Variants in LRFN2 observed in about 807,000 individuals in gnomAD.
LRFN2 encodes the protein leucine-rich repeat and fibronectin type-III domain-containing protein 2.
Under a neutral mutation model 37.3 loss-of-function variants are expected in LRFN2, and 18 were observed. The ratio of observed to expected loss-of-function variants is 0.48; its 90% CI spans 0.33 to 0.72. LRFN2 has a LOEUF of 0.72. Ranked by LOEUF, LRFN2 falls within the 30% of genes least tolerant of loss-of-function variation. The probability of loss-of-function intolerance (pLI) is 0.02; values close to 1 mark genes in which losing one functional copy is unlikely to be tolerated. For missense variants in LRFN2, 1,006 were observed against 1,060.7 expected, an observed-to-expected ratio of 0.95 and a Z score of 0.72; for synonymous variants, 556 against 466.6, an observed-to-expected ratio of 1.19 and a Z score of -2.47.
At chr6:40,577,291 G>A (rs1318148279) in intron 1 of LRFN2, among the ~76,000 whole-genome samples, 5 of 151,980 alleles carry the variant, frequency 3.3e-5, no homozygotes, top group South Asian at 4.2e-4. Flanking sequence ...TAGTAGAGAC[G>A]GAGTTTCACC....
At chr6:40,558,592 G>C (rs572325106) in intron 1 of LRFN2, among the ~76,000 whole-genome samples, 1 of 152,170 alleles carries the variant, frequency 6.6e-6, no homozygotes, top group Admixed American at 6.5e-5. Context: ...AGGTGGAGAA[G>C]AGAGTTCCTG....
At chr6:40,473,791 G>A (rs1003906082) in intron 1 of LRFN2, among the ~76,000 whole-genome samples, 5 of 152,000 alleles carry the variant, frequency 3.3e-5, no homozygotes, top group Non-Finnish European at 5.9e-5. Context: ...GTATCCATGT[G>A]TTCTCATTGT....
intron 1 of LRFN2, among the ~76,000 whole-genome samples, chr6:40,558,761 C>A (rs960704546): frequency 6.6e-6 from 1 of 152,224 alleles, no homozygotes; most frequent in South Asian, 2.1e-4. Flanking sequence ...GTCATTTAAT[C>A]CCACAAAACC....
At chr6:40,578,875 A>G (rs572675222) in intron 1 of LRFN2, among the ~76,000 whole-genome samples, 1 of 152,334 alleles carries the variant, frequency 6.6e-6, no homozygotes, top group African/African-American at 2.4e-5. Flanking sequence ...ACAGAACACA[A>G]TGCAAATCCT....
chr6:40,582,287 T>A (rs1767418356), intron 1 of LRFN2, among the ~76,000 whole-genome samples: 1 of 151,974 alleles, frequency 6.6e-6, no homozygotes, highest in South Asian at 2.1e-4. Flanking sequence ...GCTTAGCTCC[T>A]GCTGGTGGGT....
chr6:40,580,134 A>G (rs2473590), intron 1 of LRFN2, among the ~76,000 whole-genome samples: 82,754 of 152,032 alleles, frequency 0.54, 23,344 homozygotes, highest in African/African-American at 0.68. Context: ...GGCAATGAGA[A>G]GGCTTATTTA....
intron 1 of LRFN2, among the ~76,000 whole-genome samples, chr6:40,462,015 A>G (rs2113850494): frequency 6.6e-6 from 1 of 152,312 alleles, no homozygotes; most frequent in Non-Finnish European, 1.5e-5. Flanking sequence ...CTGTTACAGT[A>G]TTGATTAAGT....
intron 1 of LRFN2, among the ~76,000 whole-genome samples, chr6:40,466,000 T>C (rs960726933): frequency 6.6e-6 from 1 of 152,200 alleles, no homozygotes; most frequent in African/African-American, 2.4e-5. Context: ...CCCTACAGTC[T>C]ACCAGGGGTT....
At chr6:40,534,444 A>G (rs911490109) in intron 1 of LRFN2, among the ~76,000 whole-genome samples, 2 of 151,672 alleles carry the variant, frequency 1.3e-5, no homozygotes. Flanking sequence ...TAGCAACTCT[A>G]TGGAGAGTTC....
At chr6:40,535,700 G>A (rs1766436268) in intron 1 of LRFN2, among the ~76,000 whole-genome samples, 1 of 152,170 alleles carries the variant, frequency 6.6e-6, no homozygotes, top group Non-Finnish European at 1.5e-5. Context: ...ACATTGGTGG[G>A]AGGTGCAGGT....
In LRFN2 at chr6:40,504,089, G is replaced by A. The variant is rs569123306; in HGVS notation, c.-18-70958C>T. Among the ~76,000 whole-genome samples the A allele has an allele frequency of 2.0e-5, 3 of 152,332 alleles. No homozygotes were observed. The East Asian group carries it at 5.8e-4, about 29-fold the overall frequency. Reference sequence around the variant, plus strand: ...TAGAATAAATGGGTTCAGGGCTGGGGTAAGGGCCTCCCTCAGAAAGACCAA... The same window carrying A: ...TAGAATAAATGGGTTCAGGGCTGGGATAAGGGCCTCCCTCAGAAAGACCAA... On this transcript the variant is annotated intron_variant, in intron 1 of 2. Transcript: ENST00000338305.
At position 40,503,239 on chromosome 6, in the gene LRFN2, T is replaced by A. The variant is rs559916515; in HGVS notation, c.-18-70108A>T. Among the ~76,000 whole-genome samples the A allele has an allele frequency of 4.6e-5, 7 of 151,980 alleles. No individual in the cohort carries two copies. The South Asian group carries it at 1.5e-3, about 32-fold the overall frequency. On this transcript the variant is annotated intron_variant, in intron 1 of 2. Coordinates refer to ENST00000338305, the MANE Select transcript of LRFN2 (RefSeq NM_020737.3). ...GAGGGTGACATGATTAGAGTTTTGG[T>A]GTGGAAATTGGATCAAGCAGGACAG...
At chr6:40,473,109 C>A (rs187728110) in intron 1 of LRFN2, among the ~76,000 whole-genome samples, 9 of 152,290 alleles carry the variant, frequency 5.9e-5, no homozygotes, top group Admixed American at 5.2e-4. Context: ...CTCTTACCTT[C>A]TTGCTCCCCA....
chr6:40,492,174 G>A lies in LRFN2; in HGVS notation c.-18-59043C>T, dbSNP rs972782493. On this transcript the variant is annotated intron_variant, in intron 1 of 2. Coordinates refer to ENST00000338305, the MANE Select transcript of LRFN2 (RefSeq NM_020737.3). ...CAAGACACCAATCCTCTGGAATTGG[G>A]AGGAACGGGGAGGATGACTTAAGGT... Among the ~76,000 whole-genome samples, 54 of 152,226 alleles carry A rather than the reference G, an allele frequency of 3.5e-4. 1 individual carries two copies. The highest frequency in any genetic ancestry group is 1.2e-4 in the Non-Finnish European group (8 of 68,048).
At chr6:40,476,783 G>A (rs890589749) in intron 1 of LRFN2, among the ~76,000 whole-genome samples, 17 of 152,226 alleles carry the variant, frequency 1.1e-4, no homozygotes, top group Non-Finnish European at 2.2e-4. Context: ...GCAATCCTGA[G>A]AGCAGGCGTG....
intron 1 of LRFN2, among the ~76,000 whole-genome samples, chr6:40,564,622 C>A (rs1356389504): frequency 2.0e-5 from 3 of 152,206 alleles, no homozygotes; most frequent in Non-Finnish European, 4.4e-5. Flanking sequence ...CTGAACTACT[C>A]CACTGCTCTC....
At chr6:40,393,108 G>T (rs1400676150) in intron 2 of LRFN2, among the ~76,000 whole-genome samples, 196 bp from the exon 3 acceptor site, 2 of 150,504 alleles carry the variant, frequency 1.3e-5, no homozygotes, top group African/African-American at 2.4e-5. Context: ...CATGGAAGGA[G>T]AGAGAAGGAG....
intron 1 of LRFN2, among the ~76,000 whole-genome samples, chr6:40,558,937 G>A (rs867560333): frequency 1.3e-5 from 2 of 152,180 alleles, no homozygotes; most frequent in South Asian, 2.1e-4. Flanking sequence ...AGAGTAGCAC[G>A]CACACTCACG....
At chr6:40,476,393 C>A (rs1269453714) in intron 1 of LRFN2, among the ~76,000 whole-genome samples, 2 of 152,234 alleles carry the variant, frequency 1.3e-5, no homozygotes, top group African/African-American at 4.8e-5. Flanking sequence ...CCCTTTGAAC[C>A]TGTGTCTCCC....
Sources: gnomAD v4.1 joint callset for allele counts (sites outside exome capture counted in the v4.1 genomes callset) on GRCh38, gnomAD v4.1.1 for gene constraint, MANE v1.5 for transcripts, NCBI Gene and HGNC (gene_info 2026-07-23, HGNC 2026-07-21) for gene names.